SLC25A30: variants seen among roughly 807,000 people sequenced by gnomAD.
SLC25A30 encodes solute carrier family 25 member 30.
SLC25A30 carries 29 observed loss-of-function variants against 42.7 expected under a neutral mutation model. That is an observed-to-expected ratio of 0.68 (90% confidence interval 0.51 to 0.93). The LOEUF (loss-of-function observed/expected upper bound fraction) is 0.93. Ranked by LOEUF, SLC25A30 falls within the 40% of genes least tolerant of loss-of-function variation. The pLI, the probability that SLC25A30 is intolerant of heterozygous loss-of-function variation, is 0.00. For missense variants in SLC25A30, 300 were observed against 359.7 expected (o/e 0.83, Z 1.34); for synonymous variants, 124 against 131.0 (o/e 0.95, Z 0.37).
At chr13:45,425,198 A>G in the SLC25A30 span, among the ~76,000 whole-genome samples, 11 of 101,958 alleles carry the variant, frequency 1.1e-4, no homozygotes, top group Non-Finnish European at 1.9e-4. Flanking sequence ...ATATATAAAT[A>G]TATGTAAGTA....
chr13:45,416,670 C>T (rs1883565126), intron 1 of SLC25A30, among the ~76,000 whole-genome samples: 1 of 152,068 alleles, frequency 6.6e-6, no homozygotes, highest in African/African-American at 2.4e-5. Flanking sequence ...ACTCCGCAGG[C>T]TGAGGTGGAA....
chr13:45,427,186 T>C, the SLC25A30 span, among the ~76,000 whole-genome samples: 1 of 152,120 alleles, frequency 6.6e-6, no homozygotes, highest in Non-Finnish European at 1.5e-5. Context: ...TTTGACATGC[T>C]GAACTGAAGA....
chr13:45,406,053 G>A (rs1882475172), intron 3 of SLC25A30, 76 bp from the exon 4 acceptor site: 7 of 1,314,698 alleles, frequency 5.3e-6, no homozygotes, highest in Non-Finnish European at 7.6e-6. Context: ...CACATGCAGA[G>A]TGCCATCCAT....
chr13:45,424,782 A>C, the SLC25A30 span, among the ~76,000 whole-genome samples: 3 of 63,194 alleles, frequency 4.7e-5, no homozygotes, highest in African/African-American at 1.7e-4. Flanking sequence ...ATATATATAA[A>C]TATATAAAAG....
intron 9 of SLC25A30, chr13:45,396,249 C>A (rs1290625367): frequency 7.2e-7 from 1 of 1,398,268 alleles, no homozygotes; most frequent in African/African-American, 1.4e-5. Flanking sequence ...TCAGCCTCTT[C>A]TGAGATGGCA....
chr13:45,424,511 A>C, the SLC25A30 span, among the ~76,000 whole-genome samples: 2 of 36,948 alleles, frequency 5.4e-5, no homozygotes, highest in Non-Finnish European at 8.6e-5. Context: ...ATAAAAATAT[A>C]TATAAATATA....
At chr13:45,412,950 G>T (rs1001354995) in intron 1 of SLC25A30, among the ~76,000 whole-genome samples, 1 of 152,096 alleles carries the variant, frequency 6.6e-6, no homozygotes, top group African/African-American at 2.4e-5. Context: ...GTCATTATTG[G>T]CAAGCAATAT....
intron 1 of SLC25A30, chr13:45,411,882 TAGG>T (rs1202091735): frequency 1.2e-5 from 2 of 162,688 alleles, no homozygotes; most frequent in East Asian, 3.4e-4. Context: ...GAGGCCAAGG[TAGG>T]AGAATTGTTT....
At chr13:45,425,240 A>T in the SLC25A30 span, among the ~76,000 whole-genome samples, 1 of 100,394 alleles carries the variant, frequency 1.0e-5, no homozygotes, top group Non-Finnish European at 1.7e-5. Context: ...ATATTTATAC[A>T]TATATAAATA....
the SLC25A30 span, among the ~76,000 whole-genome samples, chr13:45,425,651 AGT>A: frequency 2.9e-3 from 232 of 81,142 alleles, 10 homozygotes; most frequent in African/African-American, 8.4e-3. Flanking sequence ...TATATATATA[AGT>A]ATATATAAAT....
At chr13:45,397,418 C>G (rs541691622) in intron 8 of SLC25A30, 80 bp from the exon 9 acceptor site, 1 of 1,029,334 alleles carries the variant, frequency 9.7e-7, no homozygotes, top group Non-Finnish European at 1.5e-6. Context: ...CCAGGCCAGG[C>G]GCGGTGGCTC....
chr13:45,402,208 G>A, intron 6 of SLC25A30, 67 bp downstream of exon 6: 1 of 1,244,630 alleles, frequency 8.0e-7, no homozygotes, highest in East Asian at 2.3e-5. Flanking sequence ...TTAAGTGATA[G>A]AACAAGTAAA....
chr13:45,402,504 A>G (rs1882092975), intron 5 of SLC25A30, 134 bp from the exon 6 acceptor site: 1 of 726,838 alleles, frequency 1.4e-6, no homozygotes, highest in East Asian at 2.6e-5. Context: ...TGTCATATAA[A>G]TACTGCTATG....
chr13:45,423,293 C>G (rs990574862), upstream of SLC25A30, among the ~76,000 whole-genome samples: 1 of 151,560 alleles, frequency 6.6e-6, no homozygotes, highest in Non-Finnish European at 1.5e-5. Context: ...TAGATGTGTT[C>G]CACTAGACAC....
intron 3 of SLC25A30, among the ~76,000 whole-genome samples, chr13:45,407,290 T>G (rs1356435656): frequency 6.6e-6 from 1 of 152,002 alleles, no homozygotes; most frequent in East Asian, 1.9e-4. Context: ...TCCCAGCTAC[T>G]CGGGAGGCTG....
chr13:45,416,016 T>G (rs1315870003), intron 1 of SLC25A30, among the ~76,000 whole-genome samples: 1 of 150,600 alleles, frequency 6.6e-6, no homozygotes, highest in Non-Finnish European at 1.5e-5. Context: ...GTTAGGCTGG[T>G]CTCGAACTCC....
At chr13:45,427,863 C>T in the SLC25A30 span, among the ~76,000 whole-genome samples, 212 of 151,936 alleles carry the variant, frequency 1.4e-3, 1 homozygote, top group African/African-American at 4.7e-3. Context: ...CCTGCCTCAG[C>T]CTCCTGAGGA....
rs750869972 is a variant in SLC25A30, at chr13:45,399,066, G to A, written c.627C>T (p.Thr209=). Residue 209 remains threonine, a synonymous_variant, in exon 8 of 10, where the codon ACC becomes ACT. Transcript: ENST00000519676. ...TVYTHFLSSF[T]CGLAGALASN... ...AGGCCAGGGCCCCTGCCAGACCACA[G>A]GTGAAGCTTGAGCTATAAAGACACC... 6.2e-6 allele frequency: 10 copies of A among 1,605,678 alleles called. No homozygotes were observed. In the South Asian group the frequency reaches 1.0e-4, roughly 16 times the overall value.
At chr13:45,398,792 A>C in intron 8 of SLC25A30, 148 bp downstream of exon 8, 1 of 682,470 alleles carries the variant, frequency 1.5e-6, no homozygotes, top group East Asian at 3.0e-5. Flanking sequence ...AGCTAAGCAC[A>C]GTGTGGCAAA....
Sources: allele counts gnomAD v4.1 joint callset (sites outside exome capture counted in the v4.1 genomes callset), GRCh38; gene constraint gnomAD v4.1.1; transcripts MANE v1.5; gene names NCBI Gene and HGNC (gene_info 2026-07-23, HGNC 2026-07-21).